The following KIAA1549L variants were observed in gnomAD, a reference collection of about 807,000 sequenced individuals.
KIAA1549L encodes UPF0606 protein KIAA1549L.
KIAA1549L carries 88 observed loss-of-function variants against 160.7 expected under a neutral mutation model. The ratio of observed to expected loss-of-function variants is 0.55; its 90% confidence interval spans 0.46 to 0.65. KIAA1549L has a LOEUF of 0.65. KIAA1549L is among the 30% of genes least tolerant of loss of function. KIAA1549L has a pLI of 0.00. For synonymous variants in KIAA1549L, 950 were observed against 976.7 expected, an observed-to-expected ratio of 0.97 and a Z score of 0.51; for missense variants, 2,258 against 2,437.5, an observed-to-expected ratio of 0.93 and a Z score of 1.55.
intron 16 of KIAA1549L, among the ~76,000 whole-genome samples, chr11:33,638,843 A>T (rs988800096): frequency 6.6e-6 from 1 of 152,214 alleles, no homozygotes; most frequent in African/African-American, 2.4e-5. Flanking sequence ...CTGAATATGA[A>T]ATGATATAAT....
At chr11:33,452,588 A>G (rs1043327846) in intron 1 of KIAA1549L, among the ~76,000 whole-genome samples, 3 of 152,050 alleles carry the variant, frequency 2.0e-5, no homozygotes, top group Non-Finnish European at 4.4e-5. Flanking sequence ...AGCCTGGGTG[A>G]CAGAGTGAGA....
chr11:33,668,257 C>G lies in KIAA1549L; in HGVS notation c.*103C>G, dbSNP rs1169192645. ...ACTTGAGACATAGCAATGGGTGAGTCTTTCTCACCCTCCATTTCTGAAAAG... is the reference window on the plus strand; with the variant it reads ...ACTTGAGACATAGCAATGGGTGAGTGTTTCTCACCCTCCATTTCTGAAAAG... On this transcript the variant is annotated 3_prime_UTR_variant, in exon 21 of 21. Coordinates refer to ENST00000658780, the MANE Select transcript of KIAA1549L (RefSeq NM_012194.3). The G allele has an allele frequency of 9.9e-7, 1 of 1,011,806 alleles. No individual in the cohort carries two copies. The highest frequency in any genetic ancestry group is 1.6e-5 in the African/African-American group (1 of 61,620). 62.7% of individuals were successfully genotyped at this position (1,011,806 alleles called of 1,614,324 possible).
rs1852600041 is a variant in KIAA1549L, at chr11:33,669,502, C to G, written c.*1348C>G. The G allele has an allele frequency of 6.6e-6, 1 of 152,264 alleles. No homozygotes were observed. Among genetic ancestry groups the G allele is most frequent in the Non-Finnish European group, 1.5e-5 (1 of 68,082 alleles). 9.4% of individuals were successfully genotyped at this position (152,264 alleles called of 1,614,324 possible). The stretch of plus-strand genomic sequence containing the variant: ...TGGTTCCCTCGCCAAGTGTGGCAGC[C>G]TGTGCAGTGTTGGGGGCTTACTTGG... On this transcript the variant is annotated 3_prime_UTR_variant, in exon 21 of 21. Transcript: ENST00000658780.
At position 33,660,857 on chromosome 11, in the gene KIAA1549L, T is replaced by C. The variant is rs762890782; in HGVS notation, c.6008-6T>C. ...TAACCTCCCTCCTCCATTTCCTCCA[T>C]GCCAGGTAATACGGTGCCAGCAGTG... On this transcript the variant is annotated splice_polypyrimidine_tract_variant and splice_region_variant and intron_variant, in intron 19 of 20. Transcript: ENST00000658780. 2 of 1,613,558 alleles carry C rather than the reference T, an allele frequency of 1.2e-6. No homozygotes were observed. The highest frequency in any genetic ancestry group is 1.7e-6 in the Non-Finnish European group (2 of 1,179,696).
At chr11:33,489,884 GT>G (rs1852617667) in intron 1 of KIAA1549L, among the ~76,000 whole-genome samples, 1 of 152,142 alleles carries the variant, frequency 6.6e-6, no homozygotes, top group Non-Finnish European at 1.5e-5. Flanking sequence ...AAGATCAAAC[GT>G]TATTGATTCT....
At chr11:33,547,903 A>G (rs761367813) in intron 4 of KIAA1549L, 24 bp downstream of exon 4, 33 of 1,464,826 alleles carry the variant, frequency 2.3e-5, no homozygotes, top group Middle Eastern at 1.7e-4. Context: ...TTTGTAACCA[A>G]GCTAATCCAT....
intron 1 of KIAA1549L, among the ~76,000 whole-genome samples, chr11:33,459,134 C>T (rs1417253367): frequency 6.6e-6 from 1 of 152,158 alleles, no homozygotes; most frequent in Non-Finnish European, 1.5e-5. Context: ...TTAGTGGAGA[C>T]TTTATTTCAA....
intron 1 of KIAA1549L, among the ~76,000 whole-genome samples, chr11:33,408,692 T>G (rs1850722462): frequency 6.7e-6 from 1 of 150,174 alleles, no homozygotes; most frequent in Non-Finnish European, 1.5e-5. Flanking sequence ...GACATCATCT[T>G]TAAGATTAAG....
At chr11:33,646,410 G>A (rs181351001) in intron 17 of KIAA1549L, among the ~76,000 whole-genome samples, 2 of 152,322 alleles carry the variant, frequency 1.3e-5, no homozygotes, top group Non-Finnish European at 2.9e-5. Context: ...AAGGGGTTGT[G>A]TGGCCTGGTG....
At chr11:33,486,945 C>G (rs915986307) in intron 1 of KIAA1549L, among the ~76,000 whole-genome samples, 8 of 152,194 alleles carry the variant, frequency 5.3e-5, no homozygotes, top group East Asian at 3.8e-4. Flanking sequence ...CCATCAAACA[C>G]TTTATGGACC....
intron 1 of KIAA1549L, among the ~76,000 whole-genome samples, chr11:33,377,554 G>A (rs755596720): frequency 5.9e-5 from 9 of 152,260 alleles, no homozygotes; most frequent in African/African-American, 1.9e-4. Context: ...ATTCTAGGTG[G>A]GGGTGGATTT....
intron 1 of KIAA1549L, among the ~76,000 whole-genome samples, chr11:33,417,449 A>C (rs764474035): frequency 1.3e-5 from 2 of 152,134 alleles, no homozygotes; most frequent in African/African-American, 2.4e-5. Flanking sequence ...TCACCTACTA[A>C]ATTGATTTCA....
intron 16 of KIAA1549L, among the ~76,000 whole-genome samples, chr11:33,621,480 G>T (rs1850956588): frequency 6.6e-6 from 1 of 152,156 alleles, no homozygotes; most frequent in African/African-American, 2.4e-5. Context: ...ACTCCCAAAA[G>T]ACCAGATCAT....
At chr11:33,379,003 T>C (rs1850017982) in intron 1 of KIAA1549L, among the ~76,000 whole-genome samples, 1 of 152,174 alleles carries the variant, frequency 6.6e-6, no homozygotes, top group Non-Finnish European at 1.5e-5. Context: ...GCAAACAACC[T>C]AGTTTGGAAC....
chr11:33,570,166 G>T (rs527695591), intron 9 of KIAA1549L, among the ~76,000 whole-genome samples: 28 of 152,194 alleles, frequency 1.8e-4, no homozygotes, highest in African/African-American at 5.5e-4. Flanking sequence ...GCCATGCCTA[G>T]CTAGTTTTTG....
intron 1 of KIAA1549L, among the ~76,000 whole-genome samples, chr11:33,405,839 C>CAAAAAAAAAAAA (rs35479859): frequency 2.6e-4 from 18 of 68,870 alleles, no homozygotes; most frequent in East Asian, 1.0e-3. Context: ...CAGTCTGTCT[C>CAAAAAAAAAAAA]AAAAAAAAAA....
At position 33,668,449 on chromosome 11, in the gene KIAA1549L, G is replaced by T. The variant is rs1852561591; in HGVS notation, c.*295G>T. The T allele has an allele frequency of 2.2e-6, 1 of 446,948 alleles. No individual in the cohort carries two copies. Among genetic ancestry groups the T allele is most frequent in the Admixed American group, 3.6e-5 (1 of 27,430 alleles). The allele number at this position is 446,948 out of a possible 1,614,324, so 27.7% of individuals were successfully genotyped here. A position where few individuals can be genotyped will look rare whatever the true frequency, so the allele number is the denominator to read the frequency against. On this transcript the variant is annotated 3_prime_UTR_variant, in exon 21 of 21. Coordinates refer to ENST00000658780, the MANE Select transcript of KIAA1549L (RefSeq NM_012194.3). ...GCCCTATGGAAGCTTAGTCACAAGA[G>T]GCACTAGCTAATCTACAGATTCCTA...
chr11:33,511,291 TA>T (rs1853222046), intron 1 of KIAA1549L, among the ~76,000 whole-genome samples: 1 of 152,198 alleles, frequency 6.6e-6, no homozygotes, highest in East Asian at 1.9e-4. Context: ...ATCAATTCCT[TA>T]AGCCATTTAT....
chr11:33,493,001 T>A (rs1353898552), intron 1 of KIAA1549L, among the ~76,000 whole-genome samples: 3 of 152,136 alleles, frequency 2.0e-5, no homozygotes, highest in Non-Finnish European at 4.4e-5. Flanking sequence ...TCATGATTTC[T>A]AATTTAAAGG....
Sources: allele counts gnomAD v4.1 joint callset (sites outside exome capture counted in the v4.1 genomes callset), GRCh38; gene constraint gnomAD v4.1.1; transcripts MANE v1.5; gene names NCBI Gene and HGNC (gene_info 2026-07-23, HGNC 2026-07-21).